The following ACER1 variants were observed in gnomAD, a reference collection of about 807,000 sequenced individuals.
The protein encoded by ACER1 is alkaline ceramidase 1.
Under a neutral mutation model 24.9 loss-of-function variants are expected in ACER1, and 28 were observed. The ratio of observed to expected loss-of-function variants is 1.13; its 90% CI spans 0.83 to 1.54. The LOEUF (loss-of-function observed/expected upper bound fraction) is 1.54, where lower values mean the gene tolerates loss of function less well. Among genes scored for constraint, ACER1 ranks in the 40% most tolerant of loss-of-function variants. The pLI is 0.00. For missense variants in ACER1, 352 were observed against 349.3 expected, an observed-to-expected ratio of 1.01 and a Z score of -0.06; for synonymous variants, 132 against 131.4, an observed-to-expected ratio of 1.00 and a Z score of -0.03.
At chr19:6,357,154 C>A in the ACER1 span, among the ~76,000 whole-genome samples, 38 of 151,154 alleles carry the variant, frequency 2.5e-4, no homozygotes, top group African/African-American at 8.8e-4. Context: ...AAGCGATTCT[C>A]CTGCCTCAGT....
chr19:6,323,968 G>C (rs1401707715), intron 1 of ACER1, among the ~76,000 whole-genome samples: 1 of 152,156 alleles, frequency 6.6e-6, no homozygotes, highest in Admixed American at 6.6e-5. Flanking sequence ...GAGGAGGTGA[G>C]GAGAGTGTTG....
chr19:6,332,759 C>T (rs2091694584), intron 1 of ACER1, among the ~76,000 whole-genome samples: 1 of 152,094 alleles, frequency 6.6e-6, no homozygotes, highest in South Asian at 2.1e-4. Context: ...CAACCTCCGC[C>T]TCCTGGGTTC....
intron 3 of ACER1, 58 bp from the exon 4 acceptor site, chr19:6,309,892 G>C: frequency 1.2e-6 from 2 of 1,603,532 alleles, no homozygotes; most frequent in Non-Finnish European, 1.7e-6. Context: ...TTGTAGGCAT[G>C]GTCACTTGGA....
chr19:6,313,295 A>AT (rs2091590369), intron 1 of ACER1, among the ~76,000 whole-genome samples: 1 of 151,702 alleles, frequency 6.6e-6, no homozygotes, highest in Non-Finnish European at 1.5e-5. Flanking sequence ...ATTTTCTTTT[A>AT]TTTTTTGTAG....
chr19:6,350,982 GA>G, the ACER1 span, among the ~76,000 whole-genome samples: 6 of 152,162 alleles, frequency 3.9e-5, no homozygotes, highest in Non-Finnish European at 8.8e-5. Context: ...GACTGGGAGA[GA>G]AAGTCATGTC....
At chr19:6,348,810 C>T in the ACER1 span, among the ~76,000 whole-genome samples, 2 of 151,964 alleles carry the variant, frequency 1.3e-5, no homozygotes, top group African/African-American at 4.8e-5. Context: ...GTAATCCCAG[C>T]ACTTTGGGAG....
chr19:6,336,819 CAAAAAAA>C (rs57500077), upstream of ACER1, among the ~76,000 whole-genome samples: 87 of 67,788 alleles, frequency 1.3e-3, 1 homozygote, highest in African/African-American at 3.1e-3. Flanking sequence ...GACCCCGACT[CAAAAAAA>C]AAAAAAAAAA....
At chr19:6,342,674 G>A in the ACER1 span, among the ~76,000 whole-genome samples, 5 of 151,286 alleles carry the variant, frequency 3.3e-5, no homozygotes, top group Non-Finnish European at 7.4e-5. Context: ...AGCCAAGATC[G>A]TGCCACTGCA....
At chr19:6,358,269 T>C in the ACER1 span, among the ~76,000 whole-genome samples, 1 of 152,070 alleles carries the variant, frequency 6.6e-6, no homozygotes, top group Non-Finnish European at 1.5e-5. Flanking sequence ...CTTTCCACCG[T>C]GAGGCCCTGC....
chr19:6,336,421 A>C (rs10405313), upstream of ACER1, among the ~76,000 whole-genome samples: 7,557 of 152,218 alleles, frequency 0.05, 284 homozygotes, highest in African/African-American at 0.11. Flanking sequence ...CACCACCTCT[A>C]TGATGCCTCA....
rs925060644 is a variant in ACER1, at chr19:6,311,619, A to G, written c.350+530T>C. Among the ~76,000 whole-genome samples, 26 of 145,610 alleles carry G rather than the reference A, an allele frequency of 1.8e-4. No individual in the cohort carries two copies. The East Asian group carries it at 2.4e-3, about 13-fold the overall frequency. ...GGCGGAGAAGAAGAAGGAGAAGGAG[A>G]AGGAGGAGGAGGAGAAGAAGAAGAA... On this transcript the variant is annotated intron_variant, in intron 3 of 5. Transcript: ENST00000301452.
chr19:6,334,393 G>A (rs1231487865), upstream of ACER1, among the ~76,000 whole-genome samples: 1 of 151,698 alleles, frequency 6.6e-6, no homozygotes, highest in Non-Finnish European at 1.5e-5. Context: ...CACCCAGGCT[G>A]GAGTGTAGTG....
intron 1 of ACER1, among the ~76,000 whole-genome samples, chr19:6,320,733 G>A (rs1344347986): frequency 6.6e-6 from 1 of 152,052 alleles, no homozygotes; most frequent in Non-Finnish European, 1.5e-5. Context: ...ATTGTAATTT[G>A]CATACTGTGT....
the ACER1 span, chr19:6,343,977 C>T: frequency 6.6e-6 from 1 of 152,124 alleles, no homozygotes; most frequent in African/African-American, 2.4e-5. Flanking sequence ...ATAGCAAAAC[C>T]ATGGAACTAT....
chr19:6,316,697 A>ACATGGTGGTGCATG (rs2091604754), intron 1 of ACER1, among the ~76,000 whole-genome samples: 2 of 151,524 alleles, frequency 1.3e-5, no homozygotes, highest in East Asian at 4.0e-4. Context: ...GTGCATGCCT[A>ACATGGTGGTGCATG]TAATCCCAGC....
At position 6,306,303 on chromosome 19, in the gene ACER1, C is replaced by T. The variant is rs545296748; in HGVS notation, c.*411G>A. The T allele has an allele frequency of 6.4e-6, 1 of 156,794 alleles. No homozygotes were observed. Among genetic ancestry groups the T allele is most frequent in the East Asian group, 1.9e-4 (1 of 5,400 alleles). 9.7% of individuals were successfully genotyped at this position (156,794 alleles called of 1,614,324 possible). A position where few individuals can be genotyped will look rare whatever the true frequency, so the allele number is the denominator to read the frequency against. On this transcript the variant is annotated 3_prime_UTR_variant, in exon 6 of 6. Transcript: ENST00000301452. ...CCTCAGGTGATCCACCCACCTCGGC[C>T]TCCCAAAGTGCTGGGATTATAGGCG...
the ACER1 span, among the ~76,000 whole-genome samples, chr19:6,347,098 C>CAAAAAA: frequency 9.2e-3 from 752 of 81,836 alleles, 29 homozygotes; most frequent in African/African-American, 0.038. Context: ...CCTGTCTCTA[C>CAAAAAA]AAAAAAAAAA....
At chr19:6,324,635 C>T (rs907754259) in intron 1 of ACER1, among the ~76,000 whole-genome samples, 3 of 151,124 alleles carry the variant, frequency 2.0e-5, no homozygotes, top group Non-Finnish European at 2.9e-5. Flanking sequence ...CGTGGTGGCA[C>T]GTGCCTGTAA....
the ACER1 span, among the ~76,000 whole-genome samples, chr19:6,355,752 G>A: frequency 1.1e-4 from 15 of 141,710 alleles, no homozygotes; most frequent in Admixed American, 9.6e-4. Context: ...GGGAGGTGGG[G>A]GGGTCAGCCC....
Sources: gnomAD v4.1 joint callset for allele counts (sites outside exome capture counted in the v4.1 genomes callset) on GRCh38, gnomAD v4.1.1 for gene constraint, MANE v1.5 for transcripts, NCBI Gene and HGNC (gene_info 2026-07-23, HGNC 2026-07-21) for gene names.